Variants in DEFB134 observed in about 807,000 individuals in gnomAD.
DEFB134 encodes defensin beta 134.
In DEFB134, 7 loss-of-function variants were observed where a neutral mutation model predicts 7.4. The ratio of observed to expected loss-of-function variants is 0.95; its 90% CI spans 0.54 to 1.79. The LOEUF (loss-of-function observed/expected upper bound fraction) is 1.79. Among genes scored for constraint, DEFB134 ranks in the 40% most tolerant of loss-of-function variants. DEFB134 has a pLI of 0.00. For missense variants in DEFB134, 105 were observed against 74.8 expected, an observed-to-expected ratio of 1.40 and a Z score of -1.49; for synonymous variants, 33 against 25.0, an observed-to-expected ratio of 1.32 and a Z score of -0.96.
At chr8:11,994,296 C>G (rs967887697) in intron 1 of DEFB134, among the ~76,000 whole-genome samples, 174 bp from the exon 3 acceptor site, 1 of 152,150 alleles carries the variant, frequency 6.6e-6, no homozygotes, top group Non-Finnish European at 1.5e-5. Flanking sequence ...CCCCAAAATT[C>G]ATATGCTGAA....
At chr8:11,995,032 T>A (rs146290549) in intron 1 of DEFB134, among the ~76,000 whole-genome samples, 1 of 152,318 alleles carries the variant, frequency 6.6e-6, no homozygotes, top group East Asian at 1.9e-4. Flanking sequence ...CATAATGCCC[T>A]GGAGGATAAT....
upstream of DEFB134, among the ~76,000 whole-genome samples, chr8:12,000,307 G>A (rs1000482006): frequency 2.6e-5 from 4 of 152,012 alleles, no homozygotes; most frequent in Non-Finnish European, 4.4e-5. Flanking sequence ...TGTGAAATCC[G>A]AGTAGATTCC....
intron 1 of DEFB134, 35 bp downstream of exon 2, chr8:11,996,159 A>T: frequency 6.2e-7 from 1 of 1,612,150 alleles, no homozygotes; most frequent in Non-Finnish European, 8.5e-7. Flanking sequence ...CTTCTATATG[A>T]AGCACCCCTA....
At chr8:11,995,087 G>C (rs1220991974) in intron 1 of DEFB134, among the ~76,000 whole-genome samples, 1 of 152,196 alleles carries the variant, frequency 6.6e-6, no homozygotes, top group African/African-American at 2.4e-5. Flanking sequence ...TAGTTTGCAA[G>C]ACAGAAGCCC....
At chr8:11,995,958 C>CAAAAAAAAAAAAAAAAAAAAAAAA (rs34837269) in intron 1 of DEFB134, among the ~76,000 whole-genome samples, 1 of 139,890 alleles carries the variant, frequency 7.1e-6, no homozygotes, top group Non-Finnish European at 1.5e-5. Flanking sequence ...TCAGTTCAGC[C>CAAAAAAAAAAAAAAAAAAAAAAAA]AAAAAAAAAA....
rs1189913463 is a variant in DEFB134 at position 11,993,962 on chromosome 8, A to T, written c.*18T>A. Reference sequence around the variant, plus strand: ...ATCAAGGGCCTACAGGATAGTGGCCATTCATTGGTTTCTTATGTCAGGGTG... The same window carrying T: ...ATCAAGGGCCTACAGGATAGTGGCCTTTCATTGGTTTCTTATGTCAGGGTG... On this transcript the variant is annotated 3_prime_UTR_variant, in exon 2 of 2. Coordinates refer to ENST00000526438, the Ensembl canonical transcript of DEFB134. The T allele has an allele frequency of 1.9e-6, 3 of 1,609,654 alleles. No individual in the cohort carries two copies. The South Asian group carries it at 3.3e-5, about 18-fold the overall frequency.
rs372595782 is a variant in DEFB134, at chr8:11,995,159, G to A, written c.58+1035C>T. Among the ~76,000 whole-genome samples the A allele has an allele frequency of 2.6e-4, 40 of 152,308 alleles. No individual in the cohort carries two copies. The East Asian group carries it at 3.7e-3, about 14-fold the overall frequency. ...TATAATGGTCTATAAAATGAGACAA[G>A]AACTTTCAATGGAAATGACAAGTTA... On this transcript the variant is annotated intron_variant, in intron 1 of 1. Coordinates refer to ENST00000526438, the Ensembl canonical transcript of DEFB134.
chr8:11,999,138 T>C (rs1489405160), upstream of DEFB134: 1 of 163,168 alleles, frequency 6.1e-6, no homozygotes, highest in Middle Eastern at 1.0e-3. Context: ...TGGAAGTTCA[T>C]ACTAAAATTG....
chr8:11,995,318 A>G (rs934666044), intron 1 of DEFB134, among the ~76,000 whole-genome samples: 2 of 152,200 alleles, frequency 1.3e-5, no homozygotes, highest in South Asian at 2.1e-4. Context: ...GATCCCATGA[A>G]TTCTTAAATT....
At chr8:11,996,910 T>G (rs1645569345), upstream of DEFB134, among the ~76,000 whole-genome samples, 1 of 152,256 alleles carries the variant, frequency 6.6e-6, no homozygotes, top group South Asian at 2.1e-4. Flanking sequence ...AAAACATTTT[T>G]TATTGAAGTA....
upstream of DEFB134, chr8:11,999,411 C>G (rs1160836438): frequency 1.1e-5 from 2 of 176,734 alleles, no homozygotes; most frequent in Non-Finnish European, 2.5e-5. Flanking sequence ...AATAATAAAG[C>G]AATATACTTT....
chr8:11,999,136 C>A, upstream of DEFB134: 1 of 162,428 alleles, frequency 6.2e-6, no homozygotes, highest in South Asian at 1.8e-4. Flanking sequence ...GCTGGAAGTT[C>A]ATACTAAAAT....
intron 1 of DEFB134, among the ~76,000 whole-genome samples, chr8:11,994,714 ATAAT>A (rs919679529): frequency 2.6e-5 from 4 of 152,354 alleles, no homozygotes; most frequent in African/African-American, 9.6e-5. Context: ...TATTTTTTAA[ATAAT>A]TACTTACTCA....
At chr8:11,994,146 A>G (rs1800057016) in intron 1 of DEFB134, 24 bp from the exon 3 acceptor site, 1 of 1,604,706 alleles carries the variant, frequency 6.2e-7, no homozygotes, top group Non-Finnish European at 8.5e-7. Context: ...GAATAGAAAG[A>G]TAATTCACTA....
intron 1 of DEFB134, among the ~76,000 whole-genome samples, chr8:11,995,609 A>C (rs1800097750): frequency 6.6e-6 from 1 of 152,198 alleles, no homozygotes; most frequent in Admixed American, 6.5e-5. Context: ...TCTTGAAACT[A>C]GCCGTTCTAA....
chr8:11,996,644 A>G (rs1800131814), upstream of DEFB134, among the ~76,000 whole-genome samples: 2 of 152,242 alleles, frequency 1.3e-5, no homozygotes, highest in Admixed American at 6.5e-5. Context: ...TAAACATGAC[A>G]AGGATGGACA....
At chr8:11,996,321 G>C (rs1051675834), upstream of DEFB134, 40 of 1,566,554 alleles carry the variant, frequency 2.6e-5, no homozygotes, top group Middle Eastern at 1.7e-4. Context: ...AGAGAGAAGA[G>C]GTTGAGCACA....
chr8:11,998,934 G>A (rs559668467), upstream of DEFB134, among the ~76,000 whole-genome samples: 6 of 152,292 alleles, frequency 3.9e-5, no homozygotes, highest in African/African-American at 1.2e-4. Context: ...ACAAAGCCTA[G>A]AAGAAACTGA....
At chr8:11,996,239 G>A (rs1388440166) in exon 1 of DEFB134, 1 of 1,613,762 alleles carries the variant, frequency 6.2e-7, no homozygotes, top group Admixed American at 1.7e-5. Context: ...AACACAACAA[G>A]GAGAGGCTTC....
Sources: gnomAD v4.1 joint callset for allele counts (sites outside exome capture counted in the v4.1 genomes callset) on GRCh38, gnomAD v4.1.1 for gene constraint, MANE v1.5 for transcripts, NCBI Gene and HGNC (gene_info 2026-07-23, HGNC 2026-07-21) for gene names.